Variants in ECPAS observed in about 807,000 individuals in gnomAD.
ECPAS encodes proteasome adapter and scaffold protein ECM29.
ECPAS carries 70 observed loss-of-function variants against 255.1 expected under a neutral mutation model. The observed-to-expected ratio is 0.27, with a 90% CI of 0.23 to 0.33. ECPAS has a LOEUF of 0.33. Among genes scored for constraint, ECPAS ranks in the 10% least tolerant of loss-of-function variants. The pLI, the probability that ECPAS is intolerant of heterozygous loss-of-function variation, is 1.00. For missense variants in ECPAS, 1,817 were observed against 2,206.4 expected (o/e 0.82, Z 3.54); for synonymous variants, 784 against 775.0 (o/e 1.01, Z -0.19).
intron 1 of ECPAS, among the ~76,000 whole-genome samples, chr9:111,482,553 T>C (rs2098307537): frequency 6.6e-6 from 1 of 152,136 alleles, no homozygotes; most frequent in African/African-American, 2.4e-5. Flanking sequence ...TCATAAAGCT[T>C]GCAACACCTC....
rs140020687 is a variant in ECPAS, at chr9:111,382,185, C to A, written c.3803+1026G>T. 1.6e-4 allele frequency among the ~76,000 whole-genome samples: 24 copies of A among 151,694 alleles called. 1 individual carries two copies. In the East Asian group the frequency reaches 3.9e-3, roughly 24 times the overall value. ...GAATCATTATAAAGTTCTCTTCAGC[C>A]ATTCACCCAGTGGATTTAGGGGCAT... On this transcript the variant is annotated intron_variant, in intron 35 of 49. Transcript: ENST00000684092.
chr9:111,469,427 G>A (rs7032066), intron 2 of ECPAS, among the ~76,000 whole-genome samples: 2,191 of 152,204 alleles, frequency 0.014, 65 homozygotes, highest in African/African-American at 0.05. Flanking sequence ...CCAGCTACTC[G>A]GGAGGCTGAG....
chr9:111,415,792 T>C (rs998225121), intron 18 of ECPAS, among the ~76,000 whole-genome samples: 1 of 151,966 alleles, frequency 6.6e-6, no homozygotes, highest in African/African-American at 2.4e-5. Flanking sequence ...TTTTCATTGA[T>C]CGTTAAAATA....
intron 4 of ECPAS, among the ~76,000 whole-genome samples, chr9:111,442,644 TG>T (rs2098247474): frequency 1.3e-5 from 2 of 152,178 alleles, no homozygotes; most frequent in Non-Finnish European, 2.9e-5. Context: ...GTAGGCCTAA[TG>T]TGAGGTAGCA....
At chr9:111,391,199 C>T (rs995357480) in intron 29 of ECPAS, among the ~76,000 whole-genome samples, 10 of 152,162 alleles carry the variant, frequency 6.6e-5, no homozygotes, top group Admixed American at 4.6e-4. Flanking sequence ...CTCCTCATCC[C>T]CCCAGAGTGA....
chr9:111,431,328 CGG>C (rs764253757), intron 8 of ECPAS, among the ~76,000 whole-genome samples: 11 of 152,054 alleles, frequency 7.2e-5, no homozygotes, highest in Non-Finnish European at 1.6e-4. Context: ...GAGGCCGAGG[CGG>C]GTGGATCACC....
In ECPAS at chr9:111,414,520, C is replaced by T; in HGVS notation, c.1896G>A (p.Gln632=). The change falls in exon 19 of 50, where the codon CAG becomes CAA. Residue 632 remains glutamine (Q), a synonymous_variant. Transcript: ENST00000684092. ...TCTTGTTAGATGATGAGGGTGCCAT[C>T]TGCCCGCTTGACATTAAAGTCCGTA... is the stretch of plus-strand genomic sequence containing the variant. The part of the protein sequence containing the change: ...RYIRTLMSSG[Q]MAPSSSNKSG... 1 of 1,614,024 alleles carries T rather than the reference C, an allele frequency of 6.2e-7. No individual in the cohort carries two copies.
At chr9:111,409,982 C>T in intron 23 of ECPAS, 59 bp downstream of exon 23, 15 of 1,251,456 alleles carry the variant, frequency 1.2e-5, no homozygotes, top group Non-Finnish European at 1.7e-5. Context: ...TCTGTTTTTG[C>T]TCATGTATGC....
intron 3 of ECPAS, among the ~76,000 whole-genome samples, chr9:111,448,373 G>A (rs1364403663): frequency 6.6e-6 from 1 of 151,876 alleles, no homozygotes; most frequent in Non-Finnish European, 1.5e-5. Context: ...ACTAATTTTG[G>A]ATAAAACAGG....
At chr9:111,393,397 G>C (rs2098163094) in intron 27 of ECPAS, among the ~76,000 whole-genome samples, 1 of 152,200 alleles carries the variant, frequency 6.6e-6, no homozygotes, top group Admixed American at 6.5e-5. Context: ...AGATACTAAT[G>C]TTAAAGAAGG....
At chr9:111,451,334 T>C (rs2098260011) in intron 3 of ECPAS, 91 bp downstream of exon 3, 8 of 1,291,574 alleles carry the variant, frequency 6.2e-6, no homozygotes, top group Non-Finnish European at 8.6e-6. Context: ...ATCACAAACC[T>C]AGAACTCAAT....
chr9:111,427,966 T>C (rs530511411), intron 10 of ECPAS, 76 bp downstream of exon 10: 2 of 1,379,152 alleles, frequency 1.5e-6, no homozygotes, highest in African/African-American at 1.4e-5. Flanking sequence ...GAATATCCAT[T>C]AACACAGTTC....
rs1350410429 is a variant in ECPAS, at chr9:111,414,651, T to C, written c.1765A>G (p.Ile589Val). The C allele has an allele frequency of 1.2e-6, 2 of 1,607,106 alleles. No individual in the cohort carries two copies. The highest frequency in any genetic ancestry group is 1.3e-5 in the African/African-American group (1 of 74,804). The change falls in exon 19 of 50, where the codon ATC (isoleucine) becomes GTC (valine). Residue 589 changes from isoleucine to valine, a missense_variant and splice_region_variant. Physicochemically the swap from Ile to Val is conservative, Grantham distance 29 (BLOSUM62 3). Coordinates refer to ENST00000684092, the MANE Select transcript of ECPAS (RefSeq NM_001364929.1). ...AGGCACATGCGCAAGTACAGAACGA[T>C]CTACAAACAGAACGGAGAGGAAGAC... ...LPFNPAAFGE[I>V]VLYLRMCLAH...
At chr9:111,378,845 T>C (rs1339627389) in intron 35 of ECPAS, 115 bp from the exon 36 acceptor site, 1 of 1,012,778 alleles carries the variant, frequency 9.9e-7, no homozygotes, top group Non-Finnish European at 1.4e-6. Flanking sequence ...TTTCACATGG[T>C]TGCAGAGCCT....
Position 111,392,764 on chromosome 9 carries a change from A to G in ECPAS, c.3092+4T>C, listed in dbSNP as rs761829395. ...TGAATCTAAAATTTTCAAGTTCACC[A>G]TACCTTTTGCCAGTCATAAGTGTTT... On this transcript the variant is annotated splice_donor_region_variant and intron_variant, in intron 28 of 49. Transcript: ENST00000684092. 6.3e-7 allele frequency: 1 copy of G among 1,599,904 alleles called. No homozygotes were observed. Among genetic ancestry groups the G allele is most frequent in the Non-Finnish European group, 8.6e-7 (1 of 1,169,026 alleles).
In ECPAS at chr9:111,484,140, C is replaced by G; in HGVS notation, c.-107G>C. On this transcript the variant is annotated 5_prime_UTR_variant, in exon 1 of 50. Coordinates refer to ENST00000684092, the MANE Select transcript of ECPAS (RefSeq NM_001364929.1). ...CCTGAGTCGGAGCCGGTCTCCATGC[C>G]GCGGACGCTGCGCTCGGCGCCGCGA... 6.8e-7 allele frequency: 1 copy of G among 1,463,264 alleles called. No individual in the cohort carries two copies. Among genetic ancestry groups the G allele is most frequent in the South Asian group, 1.3e-5 (1 of 77,238 alleles). The allele number at this position is 1,463,264 out of a possible 1,614,324, so 90.6% of individuals were successfully genotyped here.
At position 111,442,979 on chromosome 9, in the gene ECPAS, C is replaced by T. The variant is rs1014378682; in HGVS notation, c.271-555G>A. ...ATCCCAAATTTGAAAATCTGAAATT[C>T]GAAATACTACAAAATCTGAAACTTT... On this transcript the variant is annotated intron_variant, in intron 4 of 49. Transcript: ENST00000684092. Among the ~76,000 whole-genome samples, 31 of 152,102 alleles carry T rather than the reference C, an allele frequency of 2.0e-4. 1 individual carries two copies. The highest frequency in any genetic ancestry group is 1.8e-3 in the Admixed American group (28 of 15,272).
intron 7 of ECPAS, among the ~76,000 whole-genome samples, chr9:111,433,800 G>A (rs536143211): frequency 6.6e-6 from 1 of 152,274 alleles, no homozygotes; most frequent in East Asian, 1.9e-4. Flanking sequence ...TAGGAATATA[G>A]TGCTCCATGG....
At chr9:111,369,909 G>A (rs2098125274) in intron 45 of ECPAS, among the ~76,000 whole-genome samples, 1 of 152,100 alleles carries the variant, frequency 6.6e-6, no homozygotes, top group African/African-American at 2.4e-5. Flanking sequence ...TAGCTTATTA[G>A]CCAAGGCAAA....
Sources: allele counts gnomAD v4.1 joint callset (sites outside exome capture counted in the v4.1 genomes callset), GRCh38; gene constraint gnomAD v4.1.1; transcripts MANE v1.5; gene names NCBI Gene and HGNC (gene_info 2026-07-23, HGNC 2026-07-21).